The following FER variants were observed in gnomAD, a reference collection of about 807,000 sequenced individuals.
FER encodes the protein FER tyrosine kinase, also known as tyrosine-protein kinase Fer.
Under a neutral mutation model 111.0 loss-of-function variants are expected in FER, and 63 were observed. That is an observed-to-expected ratio of 0.57 (90% CI 0.46 to 0.70). The LOEUF is 0.70. Among genes scored for constraint, FER ranks in the 30% least tolerant of loss-of-function variants. The probability of loss-of-function intolerance (pLI) is 0.00; values close to 1 mark genes in which losing one functional copy is unlikely to be tolerated. For missense variants in FER, 914 were observed against 954.0 expected (o/e 0.96, Z 0.55); for synonymous variants, 327 against 313.9 (o/e 1.04, Z -0.44).
intron 2 of FER, among the ~76,000 whole-genome samples, chr5:108,781,249 G>A (rs1033843479): frequency 6.6e-6 from 1 of 152,140 alleles, no homozygotes; most frequent in African/African-American, 2.4e-5. Context: ...GGAGTGCAGT[G>A]GTATGATCTT....
chr5:108,932,368 A>T (rs909666249), intron 10 of FER, among the ~76,000 whole-genome samples: 4 of 152,226 alleles, frequency 2.6e-5, no homozygotes, highest in African/African-American at 9.6e-5. Flanking sequence ...TTTTTATGGC[A>T]GCATAGTATT....
intron 10 of FER, among the ~76,000 whole-genome samples, chr5:108,933,233 C>T (rs770421459): frequency 4.2e-4 from 64 of 152,200 alleles, no homozygotes; most frequent in Middle Eastern, 3.4e-3. Context: ...TTAGGTCTTA[C>T]GTTTAAGTCT....
chr5:109,047,578 C>A (rs577558980), intron 16 of FER, among the ~76,000 whole-genome samples: 1 of 152,250 alleles, frequency 6.6e-6, no homozygotes, highest in Admixed American at 6.5e-5. Flanking sequence ...CACACAACCT[C>A]TCTTCTAAAT....
intron 16 of FER, among the ~76,000 whole-genome samples, chr5:109,055,575 C>T (rs914710155): frequency 6.6e-6 from 1 of 151,746 alleles, no homozygotes; most frequent in Non-Finnish European, 1.5e-5. Flanking sequence ...CTGTTGGATC[C>T]AGGAGTTCAG....
chr5:108,977,865 T>C (rs552890726), intron 13 of FER, among the ~76,000 whole-genome samples: 1 of 152,196 alleles, frequency 6.6e-6, no homozygotes, highest in Non-Finnish European at 1.5e-5. Flanking sequence ...CTCTTTTGTT[T>C]AGATGGAGTC....
At chr5:109,044,819 A>G in intron 15 of FER, 24 bp downstream of exon 15, 1 of 1,096,606 alleles carries the variant, frequency 9.1e-7, no homozygotes, top group Non-Finnish European at 1.3e-6. Context: ...AGTAATCAAA[A>G]TATGTATTTA....
At position 108,820,618 on chromosome 5, in the gene FER, T is replaced by C. The variant is rs529127985; in HGVS notation, c.208-12152T>C. On this transcript the variant is annotated intron_variant, in intron 3 of 19. Transcript: ENST00000281092. ...ACCAGTAGTAATATCCCGGTAGTCA[T>C]GTGGTTCTCTAACTTTTGAGACTGG... 3.3e-5 allele frequency: 29 copies of C among 875,710 alleles called. No homozygotes were observed. In the African/African-American group the frequency reaches 4.3e-4, roughly 13 times the overall value. The allele number at this position is 875,710 out of a possible 1,614,324, so 54.2% of individuals were successfully genotyped here. A position where few individuals can be genotyped will look rare whatever the true frequency, so the allele number is the denominator to read the frequency against.
At chr5:108,977,953 C>T (rs991884219) in intron 13 of FER, among the ~76,000 whole-genome samples, 1 of 152,146 alleles carries the variant, frequency 6.6e-6, no homozygotes, top group East Asian at 1.9e-4. Flanking sequence ...CCAAGCGATC[C>T]TCCTGCCTCA....
chr5:109,087,770 A>C (rs1173078244), intron 16 of FER, among the ~76,000 whole-genome samples: 1 of 151,744 alleles, frequency 6.6e-6, no homozygotes, highest in Non-Finnish European at 1.5e-5. Flanking sequence ...AGCCTCAAAA[A>C]TTTCATGCAA....
At chr5:109,093,036 A>G (rs1460028396) in intron 16 of FER, among the ~76,000 whole-genome samples, 2 of 152,208 alleles carry the variant, frequency 1.3e-5, no homozygotes, top group Non-Finnish European at 2.9e-5. Flanking sequence ...TTCCACTTAT[A>G]TGGGATATCT....
intron 16 of FER, among the ~76,000 whole-genome samples, chr5:109,070,708 C>T (rs987869537): frequency 1.1e-4 from 17 of 151,810 alleles, no homozygotes; most frequent in African/African-American, 4.1e-4. Flanking sequence ...GAAAATAAGT[C>T]TGTTAAAAAT....
chr5:108,987,729 C>T (rs1044433440), intron 13 of FER, among the ~76,000 whole-genome samples: 1 of 152,120 alleles, frequency 6.6e-6, no homozygotes, highest in African/African-American at 2.4e-5. Flanking sequence ...ACAATCATAT[C>T]ATTAGCAAAC....
intron 17 of FER, among the ~76,000 whole-genome samples, chr5:109,147,277 T>C (rs996024601): frequency 6.6e-6 from 1 of 152,098 alleles, no homozygotes; most frequent in African/African-American, 2.4e-5. Context: ...AAAAGAATGC[T>C]ATGAATCGAT....
At position 108,959,499 on chromosome 5, in the gene FER, T is replaced by C. The variant is rs531985712; in HGVS notation, c.1656+152T>C. 3.1e-5 allele frequency: 20 copies of C among 643,550 alleles called. No homozygotes were observed. The South Asian group carries it at 5.3e-4, about 17-fold the overall frequency. 39.9% of individuals were successfully genotyped at this position (643,550 alleles called of 1,614,324 possible). A position where few individuals can be genotyped will look rare whatever the true frequency, so the allele number is the denominator to read the frequency against. On this transcript the variant is annotated intron_variant, in intron 13 of 19. Transcript: ENST00000281092. ...TTTCTAGCTTTTATTACTAATGCAATTGAAACATGAAACTTCCTTGATTTT... is the reference window on the plus strand; with the variant it reads ...TTTCTAGCTTTTATTACTAATGCAACTGAAACATGAAACTTCCTTGATTTT...
chr5:108,867,761 T>C lies in FER; in HGVS notation c.482-6T>C, dbSNP rs556565814. ...ACTAACTTTCTTCAGTTTTTTTTTT[T>C]TTCAGGGAAGGAAACTGAAAAGGCC... On this transcript the variant is annotated splice_polypyrimidine_tract_variant and splice_region_variant and intron_variant, in intron 5 of 19. Coordinates refer to ENST00000281092, the MANE Select transcript of FER (RefSeq NM_005246.4). 1.9e-5 allele frequency: 30 copies of C among 1,592,474 alleles called. No individual in the cohort carries two copies. In the African/African-American group the frequency reaches 4.1e-4, roughly 22 times the overall value.
chr5:109,077,463 A>C (rs1776474997), intron 16 of FER, among the ~76,000 whole-genome samples: 1 of 152,206 alleles, frequency 6.6e-6, no homozygotes, highest in Non-Finnish European at 1.5e-5. Flanking sequence ...AATAATATAC[A>C]TATCTTATTA....
chr5:108,785,740 A>G (rs1046484835), intron 2 of FER, among the ~76,000 whole-genome samples: 2 of 152,046 alleles, frequency 1.3e-5, no homozygotes, highest in Non-Finnish European at 1.5e-5. Context: ...CATCTATTCT[A>G]TTCTGGGAGG....
intron 3 of FER, among the ~76,000 whole-genome samples, chr5:108,813,711 C>A (rs969514747): frequency 1.3e-5 from 2 of 152,108 alleles, no homozygotes; most frequent in Non-Finnish European, 2.9e-5. Context: ...AACTTCCTTT[C>A]GTAACCCTAT....
At chr5:109,022,231 A>T (rs73780405) in intron 13 of FER, among the ~76,000 whole-genome samples, 4 of 151,966 alleles carry the variant, frequency 2.6e-5, no homozygotes, top group Non-Finnish European at 4.4e-5. Context: ...ACTGAAGTCT[A>T]TTGTCTCAAG....
Sources: allele counts gnomAD v4.1 joint callset (sites outside exome capture counted in the v4.1 genomes callset), GRCh38; gene constraint gnomAD v4.1.1; transcripts MANE v1.5; gene names NCBI Gene and HGNC (gene_info 2026-07-23, HGNC 2026-07-21).